ADAMTS6: variants seen among roughly 807,000 people sequenced by gnomAD.
The protein encoded by ADAMTS6 is ADAM metallopeptidase with thrombospondin type 1 motif 6, also known as A disintegrin and metalloproteinase with thrombospondin motifs 6.
ADAMTS6 carries 23 observed loss-of-function variants against 144.3 expected under a neutral mutation model. The ratio of observed to expected loss-of-function variants is 0.16; its 90% CI spans 0.11 to 0.23. The LOEUF is 0.23. ADAMTS6 is among the 10% of genes least tolerant of loss of function. ADAMTS6 has a pLI of 1.00. For synonymous variants in ADAMTS6, 444 were observed against 457.5 expected (o/e 0.97, Z 0.38); for missense variants, 999 against 1,379.6 (o/e 0.72, Z 4.37).
At chr5:65,444,567 C>T (rs996434251) in intron 7 of ADAMTS6, among the ~76,000 whole-genome samples, 10 of 152,012 alleles carry the variant, frequency 6.6e-5, no homozygotes, top group Admixed American at 1.3e-4. Context: ...CAAAACACTG[C>T]TGAGAGAAAG....
intron 22 of ADAMTS6, among the ~76,000 whole-genome samples, chr5:65,175,569 A>G (rs947004936): frequency 6.6e-6 from 1 of 152,232 alleles, no homozygotes; most frequent in Non-Finnish European, 1.5e-5. Context: ...AAAAATCCTT[A>G]ACCCAGTAAC....
chr5:65,411,691 T>C (rs1325356089), intron 7 of ADAMTS6, among the ~76,000 whole-genome samples: 1 of 152,170 alleles, frequency 6.6e-6, no homozygotes, highest in Non-Finnish European at 1.5e-5. Context: ...TATTCAAAGA[T>C]AAGTGTATAA....
chr5:65,234,401 AG>A (rs1329846327), intron 15 of ADAMTS6, among the ~76,000 whole-genome samples: 1 of 11,610 alleles, frequency 8.6e-5, no homozygotes, highest in Non-Finnish European at 3.3e-4. Flanking sequence ...ACAACTCAAT[AG>A]TAAAAAAAAA....
chr5:65,441,552 C>T (rs1050954483), intron 7 of ADAMTS6, among the ~76,000 whole-genome samples: 1 of 151,984 alleles, frequency 6.6e-6, no homozygotes, highest in African/African-American at 2.4e-5. Context: ...AATAATTAAA[C>T]ACCATGACCA....
chr5:65,382,216 G>A (rs1231440039), intron 7 of ADAMTS6, among the ~76,000 whole-genome samples: 2 of 152,152 alleles, frequency 1.3e-5, no homozygotes, highest in African/African-American at 4.8e-5. Context: ...TCAACAGAAA[G>A]TAAGGCATAT....
chr5:65,417,788 T>C (rs1053169312), intron 7 of ADAMTS6, among the ~76,000 whole-genome samples: 2 of 152,194 alleles, frequency 1.3e-5, no homozygotes, highest in Non-Finnish European at 2.9e-5. Flanking sequence ...ATTCTTAAAA[T>C]GGCCATACTG....
intron 13 of ADAMTS6, 102 bp from the exon 14 acceptor site, chr5:65,260,765 A>C (rs1761129168): frequency 1.3e-6 from 1 of 784,044 alleles, no homozygotes; most frequent in Non-Finnish European, 2.0e-6. Context: ...ACTTTCAAAA[A>C]ATATATCATT....
At chr5:65,429,470 A>G (rs533313082) in intron 7 of ADAMTS6, among the ~76,000 whole-genome samples, 10 of 152,266 alleles carry the variant, frequency 6.6e-5, no homozygotes, top group Non-Finnish European at 1.3e-4. Flanking sequence ...CATCTCATGT[A>G]CCCCATAAAT....
intron 24 of ADAMTS6, among the ~76,000 whole-genome samples, chr5:65,155,584 ACAT>A (rs956220051): frequency 3.3e-5 from 5 of 152,204 alleles, no homozygotes; most frequent in African/African-American, 1.2e-4. Flanking sequence ...GTTGACCAAA[ACAT>A]CATTATACAG....
intron 7 of ADAMTS6, among the ~76,000 whole-genome samples, chr5:65,334,987 A>G (rs1057484002): frequency 6.6e-6 from 1 of 152,230 alleles, no homozygotes; most frequent in Non-Finnish European, 1.5e-5. Flanking sequence ...TCAGTTAAAA[A>G]GTAAAGCTTC....
Position 65,476,500 on chromosome 5 carries a change from C to T in ADAMTS6, c.-279-2548G>A, listed in dbSNP as rs565183731. 1.4e-4 allele frequency among the ~76,000 whole-genome samples: 22 copies of T among 152,338 alleles called. No homozygotes were observed. In the South Asian group the frequency reaches 3.7e-3, roughly 26 times the overall value. On this transcript the variant is annotated intron_variant, in intron 1 of 24. Coordinates refer to ENST00000381055, the MANE Select transcript of ADAMTS6 (RefSeq NM_197941.4). ...TAAAACAATAGAGCCCAGATTCACA[C>T]AAGGCTGTCTGGTTCTAAAGTCTAA... is the stretch of plus-strand genomic sequence containing the variant.
chr5:65,334,358 A>G (rs916245345), intron 7 of ADAMTS6, among the ~76,000 whole-genome samples: 5 of 152,224 alleles, frequency 3.3e-5, no homozygotes, highest in Admixed American at 1.3e-4. Context: ...CCATAAAACG[A>G]TCTGCCATAC....
At chr5:65,325,145 G>A (rs578207364) in intron 9 of ADAMTS6, among the ~76,000 whole-genome samples, 1 of 152,118 alleles carries the variant, frequency 6.6e-6, no homozygotes, top group Non-Finnish European at 1.5e-5. Flanking sequence ...TGGAGGAGTG[G>A]GGAGGAGGGT....
intron 8 of ADAMTS6, among the ~76,000 whole-genome samples, chr5:65,330,772 G>A (rs539809955): frequency 1.8e-4 from 27 of 152,136 alleles, no homozygotes; most frequent in Non-Finnish European, 3.1e-4. Flanking sequence ...GGCAAGAGTT[G>A]GGGAGGGAGT....
intron 20 of ADAMTS6, among the ~76,000 whole-genome samples, 196 bp from the exon 21 acceptor site, chr5:65,197,347 T>C: frequency 6.6e-6 from 1 of 152,254 alleles, no homozygotes; most frequent in African/African-American, 2.4e-5. Flanking sequence ...ATTTTTCTCA[T>C]ATTTAGAAAC....
chr5:65,388,754 C>G (rs1024763652), intron 7 of ADAMTS6, among the ~76,000 whole-genome samples: 1 of 152,124 alleles, frequency 6.6e-6, no homozygotes, highest in Admixed American at 6.5e-5. Flanking sequence ...AATACTGCTA[C>G]GTAGTGTCAG....
At chr5:65,462,093 C>A (rs1759675703) in intron 3 of ADAMTS6, among the ~76,000 whole-genome samples, 1 of 152,068 alleles carries the variant, frequency 6.6e-6, no homozygotes, top group Admixed American at 6.6e-5. Context: ...GAAAATAGTC[C>A]CTATATTAAA....
chr5:65,243,203 T>C (rs1056732273), intron 14 of ADAMTS6, among the ~76,000 whole-genome samples: 1 of 152,118 alleles, frequency 6.6e-6, no homozygotes, highest in Non-Finnish European at 1.5e-5. Flanking sequence ...GAGAAAATTC[T>C]GAATTGGGAA....
chr5:65,383,769 T>C (rs924194867), intron 7 of ADAMTS6, among the ~76,000 whole-genome samples: 1 of 152,048 alleles, frequency 6.6e-6, no homozygotes, highest in Non-Finnish European at 1.5e-5. Flanking sequence ...CCACTAGGCA[T>C]TGCCCTAGTG....
Sources: allele counts gnomAD v4.1 joint callset (sites outside exome capture counted in the v4.1 genomes callset), GRCh38; gene constraint gnomAD v4.1.1; transcripts MANE v1.5; gene names NCBI Gene and HGNC (gene_info 2026-07-23, HGNC 2026-07-21).